The following KIAA1958 variants were observed in gnomAD, a reference collection of about 807,000 sequenced individuals.
The protein encoded by KIAA1958 is uncharacterized protein KIAA1958.
Under a neutral mutation model 47.2 loss-of-function variants are expected in KIAA1958, and 14 were observed. That is an observed-to-expected ratio of 0.30 (90% confidence interval 0.20 to 0.46). The LOEUF is 0.46. KIAA1958 is among the 20% of genes least tolerant of loss of function. KIAA1958 has a pLI of 1.00. For synonymous variants in KIAA1958, 354 were observed against 353.3 expected, an observed-to-expected ratio of 1.00 and a Z score of -0.02; for missense variants, 803 against 909.2, an observed-to-expected ratio of 0.88 and a Z score of 1.50.
intron 1 of KIAA1958, among the ~76,000 whole-genome samples, chr9:112,541,412 G>C (rs1199273296): frequency 6.6e-6 from 1 of 152,016 alleles, no homozygotes; most frequent in African/African-American, 2.4e-5. Context: ...ATACCCAAAG[G>C]TAGAGGGTGA....
At position 112,661,345 on chromosome 9, in the gene KIAA1958, GCAA is replaced by G. The variant is rs1239853213; in HGVS notation, c.*1283_*1285del. ...GAATTTTCTAATAACTACTCTGAGTGCAACAACAAGTGAAAAAGGAGCTCAAAG... is the reference window on the plus strand; with the variant it reads ...GAATTTTCTAATAACTACTCTGAGTGCAACAAGTGAAAAAGGAGCTCAAAG... On this transcript the variant is annotated 3_prime_UTR_variant, in exon 4 of 4. Coordinates refer to ENST00000337530, the MANE Select transcript of KIAA1958 (RefSeq NM_133465.4). The G allele has an allele frequency of 2.0e-5, 3 of 152,174 alleles. No homozygotes were observed. The highest frequency in any genetic ancestry group is 2.9e-5 in the Non-Finnish European group (2 of 68,032). 9.4% of individuals were successfully genotyped at this position (152,174 alleles called of 1,614,324 possible). A position where few individuals can be genotyped will look rare whatever the true frequency, so the allele number is the denominator to read the frequency against.
At chr9:112,497,258 A>G (rs1386448008) in intron 1 of KIAA1958, among the ~76,000 whole-genome samples, 1 of 152,166 alleles carries the variant, frequency 6.6e-6, no homozygotes, top group East Asian at 1.9e-4. Flanking sequence ...ATGTAACTGT[A>G]TTTAGAAGCT....
At chr9:112,576,230 T>A (rs1360680627) in intron 2 of KIAA1958, among the ~76,000 whole-genome samples, 1 of 152,220 alleles carries the variant, frequency 6.6e-6, no homozygotes, top group African/African-American at 2.4e-5. Flanking sequence ...ACCTTTCATT[T>A]ATGATTTTTT....
At chr9:112,659,019 CAAAAAAAAAAAAAAAAA>C (rs560013892) in intron 3 of KIAA1958, among the ~76,000 whole-genome samples, 196 of 57,770 alleles carry the variant, frequency 3.4e-3, no homozygotes, top group Middle Eastern at 0.022. Flanking sequence ...GACTCTGACT[CAAAAAAAAAAAAAAAAA>C]AAAAAAAAGA....
chr9:112,636,611 T>G (rs1162227157), intron 2 of KIAA1958, among the ~76,000 whole-genome samples: 4 of 152,196 alleles, frequency 2.6e-5, no homozygotes, highest in Non-Finnish European at 5.9e-5. Context: ...CTGTTGAATT[T>G]TAAAACCTCC....
intron 1 of KIAA1958, among the ~76,000 whole-genome samples, chr9:112,558,165 C>G (rs750372715): frequency 2.0e-5 from 3 of 151,896 alleles, no homozygotes; most frequent in Admixed American, 6.6e-5. Context: ...GCGGAAATTA[C>G]AGTGAACCGA....
intron 2 of KIAA1958, among the ~76,000 whole-genome samples, chr9:112,593,740 G>A (rs191039441): frequency 1.3e-5 from 2 of 152,172 alleles, no homozygotes; most frequent in African/African-American, 4.8e-5. Flanking sequence ...AGTAAAACAA[G>A]TTGTCAAGAT....
rs184710288 is a variant in KIAA1958 at position 112,601,446 on chromosome 9, G to A, written c.1171+26195G>A. ...AGGAGTCGTTTTCTAGGTCTTCTTC[G>A]GCACTGTGTCTCAAAGTGTGGCTTA... On this transcript the variant is annotated intron_variant, in intron 2 of 3. Coordinates refer to ENST00000337530, the MANE Select transcript of KIAA1958 (RefSeq NM_133465.4). 1.3e-4 allele frequency among the ~76,000 whole-genome samples: 20 copies of A among 152,134 alleles called. No homozygotes were observed. The East Asian group carries it at 1.9e-3, about 15-fold the overall frequency.
chr9:112,503,678 GGAAAAAGAGTTGCAAGAGTTTGGACAGAT>G (rs1350379658), intron 1 of KIAA1958, among the ~76,000 whole-genome samples: 1 of 149,504 alleles, frequency 6.7e-6, no homozygotes, highest in Admixed American at 6.7e-5. Context: ...AGAGCTGCAA[GGAAAAAGAGTTGCAAGAGTTTGGACAGAT>G]AATGCTGGTG....
chr9:112,492,007 A>G (rs939102296), intron 1 of KIAA1958, among the ~76,000 whole-genome samples: 5 of 152,172 alleles, frequency 3.3e-5, no homozygotes, highest in African/African-American at 1.2e-4. Context: ...TAATCACCAT[A>G]TATCAAAAGC....
intron 2 of KIAA1958, among the ~76,000 whole-genome samples, chr9:112,628,711 C>A (rs536967176): frequency 6.6e-6 from 1 of 152,118 alleles, no homozygotes; most frequent in Non-Finnish European, 1.5e-5. Context: ...TTGGGTCTTA[C>A]GTACATTTTG....
intron 2 of KIAA1958, among the ~76,000 whole-genome samples, chr9:112,590,739 G>A (rs572935863): frequency 2.0e-5 from 3 of 152,230 alleles, no homozygotes; most frequent in African/African-American, 7.2e-5. Flanking sequence ...AGGGGCCAAC[G>A]TAATGATGAA....
intron 2 of KIAA1958, among the ~76,000 whole-genome samples, chr9:112,644,093 G>A (rs533441738): frequency 7.1e-4 from 108 of 152,164 alleles, no homozygotes; most frequent in Non-Finnish European, 1.2e-3. Flanking sequence ...CAGGAGAATC[G>A]CGTGAACCTG....
chr9:112,556,147 A>G (rs1835237210), intron 1 of KIAA1958, among the ~76,000 whole-genome samples: 1 of 152,252 alleles, frequency 6.6e-6, no homozygotes, highest in African/African-American at 2.4e-5. Flanking sequence ...TGGAGGGGAT[A>G]CATTCAAACC....
At chr9:112,521,562 C>T (rs997086276) in intron 1 of KIAA1958, among the ~76,000 whole-genome samples, 1 of 152,032 alleles carries the variant, frequency 6.6e-6, no homozygotes, top group East Asian at 1.9e-4. Context: ...AAGATTTTCT[C>T]TTAGATTATC....
At chr9:112,541,497 C>G (rs1428483004) in intron 1 of KIAA1958, among the ~76,000 whole-genome samples, 4 of 152,118 alleles carry the variant, frequency 2.6e-5, no homozygotes, top group East Asian at 3.8e-4. Context: ...TATACCAAAT[C>G]AGTATGTTAG....
intron 1 of KIAA1958, among the ~76,000 whole-genome samples, chr9:112,494,459 A>G (rs1232737349): frequency 2.0e-5 from 3 of 148,992 alleles, no homozygotes; most frequent in Non-Finnish European, 4.4e-5. Context: ...AGTGTGTTCA[A>G]TGTATTTTTC....
intron 1 of KIAA1958, among the ~76,000 whole-genome samples, chr9:112,547,703 C>A (rs756409207): frequency 6.6e-6 from 1 of 152,322 alleles, no homozygotes; most frequent in Middle Eastern, 3.4e-3. Context: ...AATGACCCTG[C>A]GAAGCTGTCT....
chr9:112,620,117 T>TAA, intron 2 of KIAA1958, among the ~76,000 whole-genome samples: 2 of 152,232 alleles, frequency 1.3e-5, no homozygotes, highest in South Asian at 4.1e-4. Flanking sequence ...ATTATAATAA[T>TAA]TTTGGTTAAA....
Sources: gnomAD v4.1 joint callset for allele counts (sites outside exome capture counted in the v4.1 genomes callset) on GRCh38, gnomAD v4.1.1 for gene constraint, MANE v1.5 for transcripts, NCBI Gene and HGNC (gene_info 2026-07-23, HGNC 2026-07-21) for gene names.